Variants in PNKD observed in about 807,000 individuals in gnomAD.
PNKD encodes the protein probable thioesterase PNKD.
PNKD carries 36 observed loss-of-function variants against 45.3 expected under a neutral mutation model. That is an observed-to-expected ratio of 0.80 (90% CI 0.61 to 1.05). The LOEUF is 1.05. Among genes scored for constraint, PNKD ranks in the 50% least tolerant of loss-of-function variants. The pLI is 0.00. For missense variants in PNKD, 511 were observed against 506.6 expected (o/e 1.01, Z -0.08); for synonymous variants, 197 against 210.1 (o/e 0.94, Z 0.54).
chr2:218,299,402 A>G (rs918111999), intron 2 of PNKD, among the ~76,000 whole-genome samples: 2 of 152,084 alleles, frequency 1.3e-5, no homozygotes, highest in African/African-American at 4.8e-5. Context: ...TCAGCCTCCC[A>G]GAGTGCTGGG....
At position 218,340,946 on chromosome 2, in the gene PNKD, G is replaced by A. The variant is rs1694656483; in HGVS notation, c.524+160G>A. 4 of 695,206 alleles carry A rather than the reference G, an allele frequency of 5.8e-6. No individual in the cohort carries two copies. Among genetic ancestry groups the A allele is most frequent in the South Asian group, 4.6e-5 (3 of 65,638 alleles). 43.1% of individuals were successfully genotyped at this position (695,206 alleles called of 1,614,324 possible). ...TGGACACCAGCAGGGAGGGAGGAGA[G>A]GGGACAGTCTCCCACCACTCCATTG... is the stretch of plus-strand genomic sequence containing the variant. On this transcript the variant is annotated intron_variant, in intron 5 of 9. Coordinates refer to ENST00000273077, the MANE Select transcript of PNKD (RefSeq NM_015488.5). The surrounding 1 kb of genome is among the most constrained non-coding windows in gnomAD (Gnocchi z 4.2).
intron 2 of PNKD, among the ~76,000 whole-genome samples, chr2:218,283,413 GTGGT>G (rs1692226496): frequency 2.0e-5 from 3 of 152,192 alleles, no homozygotes; most frequent in Non-Finnish European, 2.9e-5. Context: ...TCTGGGCCTG[GTGGT>G]CCCCTCTGAG....
intron 2 of PNKD, among the ~76,000 whole-genome samples, chr2:218,338,424 G>A (rs1221140538): frequency 6.8e-6 from 1 of 146,120 alleles, no homozygotes; most frequent in East Asian, 2.0e-4. Flanking sequence ...TTGCACCACT[G>A]CACTCCAGTC....
Position 218,343,575 on chromosome 2 carries a change from T to A in PNKD, c.857T>A (p.Leu286His). Reference sequence around the variant, plus strand: ...GTGCTGGGGCTAGGGGATGACACCCTTCTGTGGCCTGGTGAGACACCCCCT... The same window carrying A: ...GTGCTGGGGCTAGGGGATGACACCCATCTGTGGCCTGGTGAGACACCCCCT... ...DTVLGLGDDT[L>H]LWPGHEYAEE... Residue 286 changes from leucine (L) to histidine (H), a missense_variant, in exon 8 of 10, where the codon CTT becomes CAT. Coordinates refer to ENST00000273077, the MANE Select transcript of PNKD (RefSeq NM_015488.5). The A allele has an allele frequency of 6.2e-7, 1 of 1,612,418 alleles. No individual in the cohort carries two copies. The highest frequency in any genetic ancestry group is 8.5e-7 in the Non-Finnish European group (1 of 1,179,134).
At position 218,272,990 on chromosome 2, in the gene PNKD, G is replaced by A. The variant is rs1228542709; in HGVS notation, c.236+1441G>A. The A allele has an allele frequency of 3.8e-6, 5 of 1,329,678 alleles. No individual in the cohort carries two copies. The South Asian group carries it at 4.5e-5, about 12-fold the overall frequency. 82.4% of individuals were successfully genotyped at this position (1,329,678 alleles called of 1,614,324 possible). A position where few individuals can be genotyped will look rare whatever the true frequency, so the allele number is the denominator to read the frequency against. On this transcript the variant is annotated intron_variant, in intron 2 of 9. Coordinates refer to ENST00000273077, the MANE Select transcript of PNKD (RefSeq NM_015488.5). Reference sequence around the variant, plus strand: ...AGTCCCTTGGGATGGGAGGGGCAGAGGGTGGGGCTGGTTACTCATGTGTGC... The same window carrying A: ...AGTCCCTTGGGATGGGAGGGGCAGAAGGTGGGGCTGGTTACTCATGTGTGC...
At chr2:218,315,073 C>CCTTCCTTT (rs1693761348) in intron 2 of PNKD, among the ~76,000 whole-genome samples, 1 of 69,032 alleles carries the variant, frequency 1.4e-5, no homozygotes, top group African/African-American at 5.2e-5. Context: ...TTCCTTCCTT[C>CCTTCCTTT]CTTTCTTTCT....
At chr2:218,309,203 G>A (rs1469597552) in intron 2 of PNKD, among the ~76,000 whole-genome samples, 5 of 151,966 alleles carry the variant, frequency 3.3e-5, no homozygotes, top group South Asian at 2.1e-4. Context: ...TTTCACAGCC[G>A]GGTGTGGTGG....
At chr2:218,273,063 CA>C (rs1690914169) in intron 2 of PNKD, 1 of 738,046 alleles carries the variant, frequency 1.4e-6, no homozygotes, top group Non-Finnish European at 2.0e-6. Flanking sequence ...GGGGCAAACC[CA>C]GAGACTTAAG....
At chr2:218,288,166 C>A (rs7577185) in intron 2 of PNKD, among the ~76,000 whole-genome samples, 1 of 152,148 alleles carries the variant, frequency 6.6e-6, no homozygotes, top group African/African-American at 2.4e-5. Flanking sequence ...TGGCGGCTCA[C>A]GCCTGTAATC....
chr2:218,310,425 T>C (rs1013192419), intron 2 of PNKD, among the ~76,000 whole-genome samples: 2 of 151,840 alleles, frequency 1.3e-5, no homozygotes, highest in African/African-American at 4.8e-5. Flanking sequence ...GGTTTCACCA[T>C]ATTGGCCAGG....
In PNKD at chr2:218,316,111, C is replaced by A. The variant is rs377383243; in HGVS notation, c.237-23672C>A. Among the ~76,000 whole-genome samples, 3 of 152,024 alleles carry A rather than the reference C, an allele frequency of 2.0e-5. No individual in the cohort carries two copies. In the East Asian group the frequency reaches 5.8e-4, roughly 29 times the overall value. On this transcript the variant is annotated intron_variant, in intron 2 of 9. Transcript: ENST00000273077. ...AAGTGATGCACAGTCACAGGGTGAA[C>A]GGTATGTTTACAGTGAGAGATGAAT...
rs1694057409 is a variant in PNKD, at chr2:218,323,539, G to A, written c.237-16244G>A. The A allele has an allele frequency of 3.6e-6, 4 of 1,124,706 alleles. No individual in the cohort carries two copies. The East Asian group carries it at 9.3e-5, about 26-fold the overall frequency. The allele number at this position is 1,124,706 out of a possible 1,614,324, so 69.7% of individuals were successfully genotyped here. A position where few individuals can be genotyped will look rare whatever the true frequency, so the allele number is the denominator to read the frequency against. ...GGGGTGGGCGTGGCGGTTAGGAAGG[G>A]GCTTGGTCTAAGGGAAGAGGGATCG... On this transcript the variant is annotated intron_variant, in intron 2 of 9. Transcript: ENST00000273077.
intron 2 of PNKD, among the ~76,000 whole-genome samples, chr2:218,329,024 A>G (rs1330703480): frequency 2.0e-5 from 3 of 152,216 alleles, no homozygotes; most frequent in African/African-American, 7.2e-5. Flanking sequence ...CCTGGTCAAC[A>G]TGGCGAAACC....
At chr2:218,297,684 CAAAAAAAAAAAAA>C (rs71064428) in intron 2 of PNKD, among the ~76,000 whole-genome samples, 1 of 41,986 alleles carries the variant, frequency 2.4e-5, no homozygotes, top group Non-Finnish European at 3.9e-5. Context: ...GACTCCGTCT[CAAAAAAAAAAAAA>C]AAAAAAAAAA....
At position 218,307,315 on chromosome 2, in the gene PNKD, T is replaced by TTA. The variant is rs1459575328; in HGVS notation, c.237-32467_237-32466insAT. ...GCACTAGATTTCTATTATTATTACA[T>TTA]TGTAATATATAATAAAATAATCATA... On this transcript the variant is annotated intron_variant, in intron 2 of 9. Coordinates refer to ENST00000273077, the MANE Select transcript of PNKD (RefSeq NM_015488.5). Among the ~76,000 whole-genome samples the TTA allele has an allele frequency of 7.1e-4, 108 of 152,248 alleles. 2 individuals carry two copies. The East Asian group carries it at 0.014, about 20-fold the overall frequency.
chr2:218,293,844 TCAAAG>T (rs1693065536), intron 2 of PNKD, among the ~76,000 whole-genome samples: 1 of 143,808 alleles, frequency 7.0e-6, no homozygotes, highest in South Asian at 2.2e-4. Context: ...ACCCCTGAGC[TCAAAG>T]CAGTCAGCCC....
intron 2 of PNKD, chr2:218,318,052 A>G (rs561367861): frequency 6.6e-6 from 1 of 152,572 alleles, no homozygotes; most frequent in South Asian, 2.1e-4. Flanking sequence ...CTGAATGCCA[A>G]CCAAGCACCA....
chr2:218,281,948 A>G (rs1692050239), intron 2 of PNKD: 1 of 1,596,832 alleles, frequency 6.3e-7, no homozygotes, highest in African/African-American at 1.3e-5. Flanking sequence ...ACCGTAGTTC[A>G]TGGGCATCGG....
Position 218,340,693 on chromosome 2 carries a change from T to C in PNKD, c.466-35T>C. 1 of 1,567,224 alleles carries C rather than the reference T, an allele frequency of 6.4e-7. No homozygotes were observed. The highest frequency in any genetic ancestry group is 1.4e-5 in the African/African-American group (1 of 74,012). On this transcript the variant is annotated intron_variant, in intron 4 of 9. Coordinates refer to ENST00000273077, the MANE Select transcript of PNKD (RefSeq NM_015488.5). The surrounding 1 kb of genome is among the most constrained non-coding windows in gnomAD (Gnocchi z 4.2). Reference sequence around the variant, plus strand: ...GCTGCTTCAAGTGCCTCTTGCATCCTGCTCCCCAGTCTCCAAACCTCCTCT... The same window carrying C: ...GCTGCTTCAAGTGCCTCTTGCATCCCGCTCCCCAGTCTCCAAACCTCCTCT...
Sources: allele counts gnomAD v4.1 joint callset (sites outside exome capture counted in the v4.1 genomes callset), GRCh38; gene constraint gnomAD v4.1.1; non-coding constraint Gnocchi (gnomAD v3.1); transcripts MANE v1.5; gene names NCBI Gene and HGNC (gene_info 2026-07-23, HGNC 2026-07-21).